Variants in SEMA6D observed in about 807,000 individuals in gnomAD.
SEMA6D encodes semaphorin 6D, also known as semaphorin-6D.
Under a neutral mutation model 106.6 loss-of-function variants are expected in SEMA6D, and 35 were observed. That is an observed-to-expected ratio of 0.33 (90% CI 0.25 to 0.44). SEMA6D has a LOEUF of 0.44. SEMA6D is among the 20% of genes least tolerant of loss of function. The probability of loss-of-function intolerance (pLI) is 1.00; values close to 1 mark genes in which losing one functional copy is unlikely to be tolerated. For missense variants in SEMA6D, 1,185 were observed against 1,345.9 expected, an observed-to-expected ratio of 0.88 and a Z score of 1.87; for synonymous variants, 499 against 487.7, an observed-to-expected ratio of 1.02 and a Z score of -0.31.
At chr15:47,680,531 C>A in intron 4 of SEMA6D, among the ~76,000 whole-genome samples, 1 of 152,036 alleles carries the variant, frequency 6.6e-6, no homozygotes, top group East Asian at 1.9e-4. Flanking sequence ...TTACCCTTAC[C>A]CCTCAAAAAA....
intron 1 of SEMA6D, chr15:47,399,265 A>G (rs934050760): frequency 1.3e-5 from 2 of 152,184 alleles, no homozygotes; most frequent in African/African-American, 4.8e-5. Context: ...CCTCAAACCC[A>G]CAGTGAGCTT....
intron 1 of SEMA6D, among the ~76,000 whole-genome samples, chr15:47,194,621 A>G (rs1240677902): frequency 6.6e-6 from 1 of 152,238 alleles, no homozygotes; most frequent in Non-Finnish European, 1.5e-5. Context: ...TTGCACACAT[A>G]GTACCAAAAT....
intron 1 of SEMA6D, among the ~76,000 whole-genome samples, chr15:47,268,709 G>C (rs557832063): frequency 1.3e-5 from 2 of 152,210 alleles, no homozygotes; most frequent in East Asian, 3.9e-4. Flanking sequence ...ACTTGGACCT[G>C]CTTCTCCTTT....
At chr15:47,588,054 T>TC (rs1309519792) in intron 3 of SEMA6D, among the ~76,000 whole-genome samples, 1 of 152,082 alleles carries the variant, frequency 6.6e-6, no homozygotes, top group African/African-American at 2.4e-5. Flanking sequence ...ATGAAGAAAT[T>TC]CCCCTGACAC....
intron 3 of SEMA6D, among the ~76,000 whole-genome samples, chr15:47,582,203 G>A (rs985502177): frequency 6.6e-6 from 1 of 152,176 alleles, no homozygotes; most frequent in African/African-American, 2.4e-5. Flanking sequence ...CACCCCGAGG[G>A]GTGCTTTTGA....
chr15:47,441,452 A>G (rs74011445), intron 2 of SEMA6D, among the ~76,000 whole-genome samples: 447 of 152,240 alleles, frequency 2.9e-3, no homozygotes, highest in African/African-American at 0.01. Flanking sequence ...AACAACAAGC[A>G]AGACAAATGA....
intron 1 of SEMA6D, among the ~76,000 whole-genome samples, chr15:47,234,075 C>T (rs901151223): frequency 1.3e-5 from 2 of 151,834 alleles, no homozygotes; most frequent in Non-Finnish European, 2.9e-5. Flanking sequence ...AAACAATATA[C>T]CAACCAAAAC....
intron 1 of SEMA6D, among the ~76,000 whole-genome samples, chr15:47,244,004 G>A (rs191138634): frequency 1.2e-4 from 19 of 152,256 alleles, no homozygotes; most frequent in African/African-American, 3.4e-4. Context: ...TATGATATCA[G>A]GTAGTGATAA....
intron 4 of SEMA6D, among the ~76,000 whole-genome samples, chr15:47,634,683 C>T (rs1324910805): frequency 7.2e-5 from 11 of 152,176 alleles, no homozygotes; most frequent in Admixed American, 5.9e-4. Flanking sequence ...CAACCCACCA[C>T]TAGACCTTGC....
At chr15:47,186,254 T>G (rs1893565364) in intron 1 of SEMA6D, among the ~76,000 whole-genome samples, 1 of 152,180 alleles carries the variant, frequency 6.6e-6, no homozygotes, top group African/African-American at 2.4e-5. Flanking sequence ...GGAGAAGTAC[T>G]TAACATGAAC....
intron 1 of SEMA6D, among the ~76,000 whole-genome samples, chr15:47,384,825 T>TTTTTG (rs2071843194): frequency 1.8e-5 from 2 of 113,872 alleles, no homozygotes; most frequent in African/African-American, 7.0e-5. Context: ...TTTTTTTTTT[T>TTTTTG]TTTTTTTTTT....
chr15:47,242,471 C>T (rs1472489459), intron 1 of SEMA6D, among the ~76,000 whole-genome samples: 1 of 152,090 alleles, frequency 6.6e-6, no homozygotes, highest in Non-Finnish European at 1.5e-5. Context: ...ACTTTGTAGA[C>T]CTGGGTCAGG....
intron 3 of SEMA6D, among the ~76,000 whole-genome samples, chr15:47,519,639 A>G (rs748169892): frequency 1.3e-5 from 2 of 152,192 alleles, no homozygotes; most frequent in African/African-American, 4.8e-5. Context: ...TTGCCCAGGG[A>G]TGTAGCTTCT....
chr15:47,740,162 G>A (rs867489998), intron 1 of SEMA6D, among the ~76,000 whole-genome samples: 1 of 152,114 alleles, frequency 6.6e-6, no homozygotes, highest in Non-Finnish European at 1.5e-5. Flanking sequence ...CATGCATTGC[G>A]ACTCATTTTT....
At chr15:47,513,350 C>G (rs2044289863) in intron 3 of SEMA6D, among the ~76,000 whole-genome samples, 1 of 152,116 alleles carries the variant, frequency 6.6e-6, no homozygotes, top group South Asian at 2.1e-4. Flanking sequence ...CATATATATA[C>G]TCTGGCTGAT....
At position 47,449,196 on chromosome 15, in the gene SEMA6D, A is replaced by T. The variant is rs1381072149; in HGVS notation, c.-158-21278A>T. 2.0e-5 allele frequency among the ~76,000 whole-genome samples: 3 copies of T among 152,126 alleles called. No homozygotes were observed. In the East Asian group the frequency reaches 5.8e-4, roughly 29 times the overall value. On this transcript the variant is annotated intron_variant, in intron 2 of 19. Transcript: ENST00000558014. ...AAGGAAAATATTAGCACATATTCTC[A>T]TGTTTTATTGAAATATAAGACATGG...
intron 2 of SEMA6D, among the ~76,000 whole-genome samples, chr15:47,443,416 G>A (rs938929540): frequency 3.9e-5 from 6 of 152,004 alleles, no homozygotes; most frequent in African/African-American, 1.2e-4. Flanking sequence ...ATGCTGCAAG[G>A]AAGTCCAAAT....
chr15:47,411,490 T>C (rs919754373), intron 1 of SEMA6D, among the ~76,000 whole-genome samples: 7 of 152,326 alleles, frequency 4.6e-5, no homozygotes, highest in Non-Finnish European at 8.8e-5. Flanking sequence ...AAAAATACTT[T>C]AGCAGATGGT....
intron 1 of SEMA6D, among the ~76,000 whole-genome samples, chr15:47,722,489 C>T (rs541248535): frequency 3.3e-5 from 5 of 152,020 alleles, no homozygotes; most frequent in African/African-American, 1.2e-4. Flanking sequence ...TCTTTTTACT[C>T]AATAAGATAT....
Sources: allele counts gnomAD v4.1 joint callset (sites outside exome capture counted in the v4.1 genomes callset), GRCh38; gene constraint gnomAD v4.1.1; transcripts MANE v1.5; gene names NCBI Gene and HGNC (gene_info 2026-07-23, HGNC 2026-07-21).